DNAH12: variants seen among roughly 807,000 people sequenced by gnomAD.
The protein encoded by DNAH12 is axonemal beta dynein heavy chain 12.
Under a neutral mutation model 371.5 loss-of-function variants are expected in DNAH12, and 285 were observed. That is an observed-to-expected ratio of 0.77 (90% CI 0.70 to 0.85). The LOEUF is 0.85. Among genes scored for constraint, DNAH12 ranks in the 40% least tolerant of loss-of-function variants. The pLI, the probability that DNAH12 is intolerant of heterozygous loss-of-function variation, is 0.00. For synonymous variants in DNAH12, 1,200 were observed against 1,213.0 expected (o/e 0.99, Z 0.22); for missense variants, 3,611 against 3,689.4 (o/e 0.98, Z 0.55).
At chr3:57,317,391 C>T (rs928369873) in intron 65 of DNAH12, among the ~76,000 whole-genome samples, 1 of 152,106 alleles carries the variant, frequency 6.6e-6, no homozygotes, top group African/African-American at 2.4e-5. Flanking sequence ...TTTCCCCCTC[C>T]CACAGCCCCA....
chr3:57,523,846 C>T lies in DNAH12; in HGVS notation c.209G>A (p.Gly70Asp), dbSNP rs2153398282. 1 of 1,605,850 alleles carries T rather than the reference C, an allele frequency of 6.2e-7. No homozygotes were observed. The highest frequency in any genetic ancestry group is 8.5e-7 in the Non-Finnish European group (1 of 1,176,912). The change falls in exon 3 of 74, where the codon GGT (glycine) becomes GAT (aspartate). Residue 70 changes from glycine (G) to aspartate (D), a missense_variant. Coordinates refer to ENST00000495027, the MANE Select transcript of DNAH12 (RefSeq NM_001366028.2). The part of the protein sequence containing the change: ...GAKRNLDRTL[G>D]KRTPLLPPPD... ...TGGTGGTAATAGAGGTGTTCTTTTACCCAGTGTTCTGTCTAAATTTCTTTT... is the reference window on the plus strand; with the variant it reads ...TGGTGGTAATAGAGGTGTTCTTTTATCCAGTGTTCTGTCTAAATTTCTTTT...
chr3:57,368,908 T>C (rs1453660409), intron 55 of DNAH12, among the ~76,000 whole-genome samples: 1 of 152,070 alleles, frequency 6.6e-6, no homozygotes, highest in Non-Finnish European at 1.5e-5. Flanking sequence ...AATTTTCTTT[T>C]AAAAATATAG....
intron 58 of DNAH12, among the ~76,000 whole-genome samples, chr3:57,361,444 C>CACACTATATATATATATATA (rs1409626573): frequency 2.2e-4 from 26 of 116,668 alleles, no homozygotes; most frequent in African/African-American, 1.1e-3. Flanking sequence ...CACACACACA[C>CACACTATATATATATATATA]TATATATATA....
chr3:57,309,612 T>G, intron 68 of DNAH12, 54 bp downstream of exon 68: 3 of 1,370,744 alleles, frequency 2.2e-6, no homozygotes, highest in Non-Finnish European at 2.9e-6. Context: ...AGATTGTCAT[T>G]TCAGTATCAT....
At chr3:57,346,767 G>GAT (rs2062552821) in intron 60 of DNAH12, among the ~76,000 whole-genome samples, 1 of 152,062 alleles carries the variant, frequency 6.6e-6, no homozygotes, top group African/African-American at 2.4e-5. Flanking sequence ...GATAGAGAAA[G>GAT]ATATACCATG....
intron 56 of DNAH12, among the ~76,000 whole-genome samples, chr3:57,367,813 G>C (rs2063083968): frequency 6.6e-6 from 1 of 152,150 alleles, no homozygotes. Context: ...TTCTCTGACA[G>C]TCTAGATAAC....
intron 62 of DNAH12, among the ~76,000 whole-genome samples, chr3:57,330,131 C>T (rs2062058120): frequency 6.6e-6 from 1 of 151,792 alleles, no homozygotes; most frequent in Non-Finnish European, 1.5e-5. Context: ...TAAACTAGTT[C>T]AACCATTGTG....
At chr3:57,451,738 G>A (rs1031892015) in intron 25 of DNAH12, among the ~76,000 whole-genome samples, 2 of 152,188 alleles carry the variant, frequency 1.3e-5, no homozygotes, top group Non-Finnish European at 2.9e-5. Context: ...CACCAGGAGT[G>A]TCCGGTGACC....
chr3:57,500,297 T>C (rs1246762645), intron 11 of DNAH12, among the ~76,000 whole-genome samples: 3 of 152,136 alleles, frequency 2.0e-5, no homozygotes, highest in African/African-American at 7.2e-5. Context: ...CGCCTTGGCC[T>C]CCTAAAGTGC....
At position 57,405,107 on chromosome 3, in the gene DNAH12, T is replaced by C. The variant is rs1321071128; in HGVS notation, c.6617A>G (p.Tyr2206Cys). Residue 2206 changes from tyrosine (Y) to cysteine (C), a missense_variant, in exon 42 of 74, where the codon TAT (tyrosine) becomes TGT (cysteine). This residue lies in a region of DNAH12 where 2,266 missense variants were observed against 2,236.9 expected (regional missense o/e 1.01). Coordinates refer to ENST00000495027, the MANE Select transcript of DNAH12 (RefSeq NM_001366028.2). The stretch of plus-strand genomic sequence containing the variant: ...ATCTCCTTCAAGGTCAGGATTCATA[T>C]AATCACCAAACATGAGATTTCTTAA... ...EDLRNLMFGDYMNPDLEGDDR... is the reference protein window; with the variant it reads ...EDLRNLMFGDCMNPDLEGDDR... The C allele has an allele frequency of 1.9e-6, 3 of 1,540,348 alleles. No individual in the cohort carries two copies. Among genetic ancestry groups the C allele is most frequent in the Admixed American group, 2.1e-5 (1 of 48,456 alleles).
chr3:57,335,559 C>T (rs1266604728), intron 60 of DNAH12, among the ~76,000 whole-genome samples: 1 of 152,156 alleles, frequency 6.6e-6, no homozygotes, highest in Non-Finnish European at 1.5e-5. Flanking sequence ...GCCTGTTGCT[C>T]CTAGGCTATA....
chr3:57,297,951 C>T (rs1025675182), intron 70 of DNAH12, among the ~76,000 whole-genome samples: 4 of 152,192 alleles, frequency 2.6e-5, no homozygotes, highest in Non-Finnish European at 5.9e-5. Flanking sequence ...AACAAACAAA[C>T]CAAAAACATA....
chr3:57,321,650 G>A (rs1433162189), intron 65 of DNAH12, among the ~76,000 whole-genome samples: 2 of 152,012 alleles, frequency 1.3e-5, no homozygotes, highest in Admixed American at 6.6e-5. Flanking sequence ...ACTCTTCTGG[G>A]TGGATAAATT....
intron 25 of DNAH12, among the ~76,000 whole-genome samples, chr3:57,452,233 A>G (rs564719489): frequency 5.0e-4 from 76 of 152,296 alleles, no homozygotes; most frequent in African/African-American, 1.8e-3. Context: ...CAGATAAACA[A>G]TGAATAATTT....
At chr3:57,419,008 TAGG>T (rs1328409489) in intron 37 of DNAH12, among the ~76,000 whole-genome samples, 1 of 152,174 alleles carries the variant, frequency 6.6e-6, no homozygotes, top group African/African-American at 2.4e-5. Flanking sequence ...CTAAATGTAA[TAGG>T]AGAATGTGGA....
Position 57,309,753 on chromosome 3 carries a change from G to T in DNAH12, c.10998C>A (p.Leu3666=), listed in dbSNP as rs758090839. The change falls in exon 68 of 74, where the codon CTC becomes CTA. Residue 3666 remains leucine (L), a synonymous_variant. Coordinates refer to ENST00000495027, the MANE Select transcript of DNAH12 (RefSeq NM_001366028.2). ...QQTKTLFESL[L]LTQGGSKQTG... ...TCTGTTTGGAGCCTCCCTGGGTGAG[G>T]AGCAAGGACTCAAAGAGGGTTTTTG... 2 of 1,551,288 alleles carry T rather than the reference G, an allele frequency of 1.3e-6. No individual in the cohort carries two copies. The highest frequency in any genetic ancestry group is 1.7e-6 in the Non-Finnish European group (2 of 1,146,864).
At chr3:57,526,081 C>G (rs1189347089) in intron 2 of DNAH12, among the ~76,000 whole-genome samples, 1 of 151,694 alleles carries the variant, frequency 6.6e-6, no homozygotes, top group Non-Finnish European at 1.5e-5. Flanking sequence ...TTTTTTGTAC[C>G]CATTAACCAT....
intron 34 of DNAH12, 23 bp downstream of exon 34, chr3:57,428,610 A>AG (rs1347766709): frequency 6.6e-7 from 1 of 1,513,970 alleles, no homozygotes; most frequent in East Asian, 2.5e-5. Flanking sequence ...AAACTTGAAT[A>AG]GGTCAGAGAA....
chr3:57,440,103 T>C (rs2065258377), intron 29 of DNAH12, among the ~76,000 whole-genome samples: 1 of 152,326 alleles, frequency 6.6e-6, no homozygotes, highest in East Asian at 1.9e-4. Flanking sequence ...TCAGTCACCG[T>C]GGAAAGCAGT....
Sources: allele counts gnomAD v4.1 joint callset (sites outside exome capture counted in the v4.1 genomes callset), GRCh38; gene constraint gnomAD v4.1.1; regional missense constraint gnomAD v4.1.1; transcripts MANE v1.5; gene names NCBI Gene and HGNC (gene_info 2026-07-23, HGNC 2026-07-21).